The following SKI variants were observed in gnomAD, a reference collection of about 807,000 sequenced individuals.
SKI encodes ski oncogene.
In SKI, 23 loss-of-function variants were observed where a neutral mutation model predicts 59.3. The observed-to-expected ratio is 0.39, with a 90% CI of 0.28 to 0.55. SKI has a LOEUF of 0.55. Ranked by LOEUF, SKI falls within the 20% of genes least tolerant of loss-of-function variation. The probability of loss-of-function intolerance (pLI) is 0.67; values close to 1 mark genes in which losing one functional copy is unlikely to be tolerated. For synonymous variants in SKI, 673 were observed against 488.6 expected, an observed-to-expected ratio of 1.38 and a Z score of -4.98; for missense variants, 1,017 against 1,038.9, an observed-to-expected ratio of 0.98 and a Z score of 0.29.
intron 1 of SKI, among the ~76,000 whole-genome samples, chr1:2,275,407 C>T (rs1569786950): frequency 1.3e-5 from 2 of 152,340 alleles, no homozygotes; most frequent in African/African-American, 2.4e-5. Flanking sequence ...TGCTCTGAGG[C>T]GATCTGGGTG....
intron 1 of SKI, among the ~76,000 whole-genome samples, chr1:2,288,407 C>T (rs1269563546): frequency 1.3e-5 from 2 of 152,248 alleles, no homozygotes; most frequent in Non-Finnish European, 2.9e-5. Flanking sequence ...CAGGCATGAG[C>T]CACTGTGCCC....
chr1:2,290,384 TGA>T (rs1640134929), intron 1 of SKI, among the ~76,000 whole-genome samples: 2 of 152,122 alleles, frequency 1.3e-5, no homozygotes, highest in African/African-American at 4.8e-5. Flanking sequence ...ACTTGGGAAC[TGA>T]GGGGACACAG....
chr1:2,254,929 G>A (rs1227905681), intron 1 of SKI, among the ~76,000 whole-genome samples: 1 of 152,194 alleles, frequency 6.6e-6, no homozygotes, highest in Non-Finnish European at 1.5e-5. Flanking sequence ...CTGTGCACTT[G>A]GGTGCAGGTG....
At chr1:2,284,246 C>T (rs1382672246) in intron 1 of SKI, among the ~76,000 whole-genome samples, 1 of 152,152 alleles carries the variant, frequency 6.6e-6, no homozygotes, top group Non-Finnish European at 1.5e-5. Flanking sequence ...AGGTTGCTGC[C>T]CTGCCTCTAG....
At chr1:2,251,631 G>T (rs1639150272) in intron 1 of SKI, among the ~76,000 whole-genome samples, 1 of 152,202 alleles carries the variant, frequency 6.6e-6, no homozygotes, top group South Asian at 2.1e-4. Context: ...CTGCCTCTGT[G>T]TGGGCAGCAT....
chr1:2,287,503 A>G (rs1640065565), intron 1 of SKI, among the ~76,000 whole-genome samples: 1 of 151,768 alleles, frequency 6.6e-6, no homozygotes, highest in South Asian at 2.1e-4. Context: ...CGCCCAGCTA[A>G]TTTTTTGTAT....
At position 2,240,993 on chromosome 1, in the gene SKI, C is replaced by T. The variant is rs148623872; in HGVS notation, c.969+11258C>T. ...GCAGGATGCACACAGGAGCTGCAGG[C>T]GAGGGCTTTGTAGGAGCTCTGTGGC... On this transcript the variant is annotated intron_variant, in intron 1 of 6. Transcript: ENST00000378536. Among the ~76,000 whole-genome samples, 773 of 152,326 alleles carry T rather than the reference C, an allele frequency of 5.1e-3. 10 individuals carry two copies. Among genetic ancestry groups the T allele is most frequent in the African/African-American group, 0.018 (740 of 41,578 alleles).
intron 1 of SKI, among the ~76,000 whole-genome samples, chr1:2,260,554 T>TTTTTTTTTTTTTTTTTTC (rs1323572548): frequency 7.0e-6 from 1 of 143,384 alleles, no homozygotes; most frequent in African/African-American, 2.6e-5. Context: ...TTTTTTTTTT[T>TTTTTTTTTTTTTTTTTTC]TTTTGAGACA....
At chr1:2,233,122 G>A (rs953515532) in intron 1 of SKI, among the ~76,000 whole-genome samples, 3 of 152,214 alleles carry the variant, frequency 2.0e-5, no homozygotes, top group South Asian at 2.1e-4. Context: ...AGCGCTTTCC[G>A]TGCAGGCTGA....
chr1:2,252,021 G>A (rs2100824571), intron 1 of SKI, among the ~76,000 whole-genome samples: 1 of 152,278 alleles, frequency 6.6e-6, no homozygotes, highest in South Asian at 2.1e-4. Context: ...TGGGAGTGAT[G>A]CTGGTCTTTG....
chr1:2,289,783 A>C (rs2643885), intron 1 of SKI, among the ~76,000 whole-genome samples: 35,987 of 152,064 alleles, frequency 0.24, 4,349 homozygotes, highest in Admixed American at 0.33. Flanking sequence ...TGAGGTTTGG[A>C]AACAGCAGAG....
At chr1:2,277,948 C>T (rs1289822784) in intron 1 of SKI, among the ~76,000 whole-genome samples, 3 of 152,102 alleles carry the variant, frequency 2.0e-5, no homozygotes, top group Non-Finnish European at 1.5e-5. Flanking sequence ...TGCACCAGCA[C>T]CCGTGGACAC....
rs1319589139 is a variant in SKI, at chr1:2,240,691, A to G, written c.969+10956A>G. The G allele has an allele frequency of 7.1e-6, 7 of 985,470 alleles. 1 individual carries two copies. The South Asian group carries it at 2.8e-4, about 40-fold the overall frequency. 61.0% of individuals were successfully genotyped at this position (985,470 alleles called of 1,614,324 possible). A position where few individuals can be genotyped will look rare whatever the true frequency, so the allele number is the denominator to read the frequency against. ...AGTGAAGCTCTCTCTACTTGTTCGG[A>G]GGATGGAGGACAGTTCTAGATCCAG... On this transcript the variant is annotated intron_variant, in intron 1 of 6. Transcript: ENST00000378536.
At chr1:2,250,029 C>T (rs1448835721) in intron 1 of SKI, among the ~76,000 whole-genome samples, 5 of 152,116 alleles carry the variant, frequency 3.3e-5, no homozygotes, top group Non-Finnish European at 5.9e-5. Context: ...CTCAGCCTCC[C>T]GAATAGCTGG....
chr1:2,299,520 C>G, intron 1 of SKI, among the ~76,000 whole-genome samples: 1 of 152,124 alleles, frequency 6.6e-6, no homozygotes, highest in Non-Finnish European at 1.5e-5. Flanking sequence ...TCTGCGGCGT[C>G]TCCCTCGGCA....
At chr1:2,242,409 G>A (rs1248122463) in intron 1 of SKI, among the ~76,000 whole-genome samples, 2 of 152,192 alleles carry the variant, frequency 1.3e-5, no homozygotes, top group South Asian at 2.1e-4. Context: ...CATCTCTGTC[G>A]CTGGAAACGT....
rs536369380 is a variant in SKI at position 2,270,080 on chromosome 1, G to A, written c.970-32898G>A. 1.2e-4 allele frequency among the ~76,000 whole-genome samples: 18 copies of A among 152,262 alleles called. No homozygotes were observed. Among genetic ancestry groups the A allele is most frequent in the African/African-American group, 3.9e-4 (16 of 41,536 alleles). ...AGGCTGCCGATGGATGAGCCTGCCTGTCCCCCACGGATTGGAGTTTTGCCC... is the reference window on the plus strand; with the variant it reads ...AGGCTGCCGATGGATGAGCCTGCCTATCCCCCACGGATTGGAGTTTTGCCC... On this transcript the variant is annotated intron_variant, in intron 1 of 6. Coordinates refer to ENST00000378536, the MANE Select transcript of SKI (RefSeq NM_003036.4). The surrounding 1 kb of genome is among the most constrained non-coding windows in gnomAD (Gnocchi z 4.1).
chr1:2,306,783 G>GCAGCGCCGCCGA lies in SKI; in HGVS notation c.*21_*32dup, dbSNP rs1213750432. 6.7e-7 allele frequency: 1 copy of GCAGCGCCGCCGA among 1,484,162 alleles called. No homozygotes were observed. Among genetic ancestry groups the GCAGCGCCGCCGA allele is most frequent in the South Asian group, 1.3e-5 (1 of 78,760 alleles). 91.9% of individuals were successfully genotyped at this position (1,484,162 alleles called of 1,614,324 possible). Reference sequence around the variant, plus strand: ...AGCCGTAGATTCCGTGCCTGCCGCCGCAGCGCCGCCGACAACGCGGGTGCA... The same window carrying GCAGCGCCGCCGA: ...AGCCGTAGATTCCGTGCCTGCCGCCGCAGCGCCGCCGACAGCGCCGCCGACAACGCGGGTGCA... On this transcript the variant is annotated 3_prime_UTR_variant, in exon 7 of 7. Transcript: ENST00000378536.
intron 1 of SKI, among the ~76,000 whole-genome samples, chr1:2,244,993 C>T (rs1638960902): frequency 6.6e-6 from 1 of 152,188 alleles, no homozygotes; most frequent in Non-Finnish European, 1.5e-5. Flanking sequence ...TATATACGCA[C>T]CTAACCTCAG....
Sources: gnomAD v4.1 joint callset for allele counts (sites outside exome capture counted in the v4.1 genomes callset) on GRCh38, gnomAD v4.1.1 for gene constraint, Gnocchi (gnomAD v3.1) non-coding constraint, MANE v1.5 for transcripts, NCBI Gene and HGNC (gene_info 2026-07-23, HGNC 2026-07-21) for gene names.